CBX3: variants seen among roughly 807,000 people sequenced by gnomAD.
The protein encoded by CBX3 is chromobox protein homolog 3.
In CBX3, 5 loss-of-function variants were observed where a neutral mutation model predicts 22.6. That is an observed-to-expected ratio of 0.22 (90% CI 0.12 to 0.47). The LOEUF (loss-of-function observed/expected upper bound fraction) is 0.47. Ranked by LOEUF, CBX3 falls within the 20% of genes least tolerant of loss-of-function variation. The probability of loss-of-function intolerance (pLI) is 0.99; values close to 1 mark genes in which losing one functional copy is unlikely to be tolerated. For synonymous variants in CBX3, 50 were observed against 66.6 expected (o/e 0.75, Z 1.21); for missense variants, 83 against 208.1 (o/e 0.40, Z 3.70).
At chr7:26,208,917 CTTTTT>C (rs59657982) in intron 4 of CBX3, among the ~76,000 whole-genome samples, 4 of 27,940 alleles carry the variant, frequency 1.4e-4, no homozygotes, top group Admixed American at 6.7e-4. Context: ...CACGCCTGGC[CTTTTT>C]TTTTTTTTTT....
At chr7:26,202,160 C>T (rs1784506255) in intron 1 of CBX3, 1 of 152,074 alleles carries the variant, frequency 6.6e-6, no homozygotes, top group South Asian at 2.1e-4. Flanking sequence ...CCACGCGGGG[C>T]TGGGTCGAGA....
At chr7:26,202,786 A>G (rs746326985) in intron 1 of CBX3, 185 bp from the exon 2 acceptor site, 27 of 570,694 alleles carry the variant, frequency 4.7e-5, no homozygotes, top group Non-Finnish European at 8.3e-5. Context: ...CTAGACTCAC[A>G]TGGTTAGGAC....
At position 26,202,619 on chromosome 7, in the gene CBX3, T is replaced by C. The variant is rs192837231; in HGVS notation, c.-28-352T>C. 2.1e-3 allele frequency: 513 copies of C among 243,676 alleles called. 3 individuals are homozygous for C. Among genetic ancestry groups the C allele is most frequent in the African/African-American group, 0.011 (492 of 43,182 alleles). The allele number at this position is 243,676 out of a possible 1,614,324, so 15.1% of individuals were successfully genotyped here. Reference sequence around the variant, plus strand: ...ACAGTGCTTTACCGTTGTGAGTTGTTTGGGTAATCGTGCCTGGTTTTAAAC... The same window carrying C: ...ACAGTGCTTTACCGTTGTGAGTTGTCTGGGTAATCGTGCCTGGTTTTAAAC... On this transcript the variant is annotated intron_variant, in intron 1 of 5. Transcript: ENST00000396386.
At chr7:26,210,769 A>G (rs1328827635) in intron 4 of CBX3, among the ~76,000 whole-genome samples, 1 of 152,210 alleles carries the variant, frequency 6.6e-6, no homozygotes, top group Non-Finnish European at 1.5e-5. Flanking sequence ...TTTTACAGAT[A>G]TTCAACATGT....
chr7:26,202,593 C>A (rs997111841), intron 1 of CBX3: 5 of 190,390 alleles, frequency 2.6e-5, no homozygotes, highest in African/African-American at 9.5e-5. Context: ...AGAGAAGATT[C>A]ACAGTGCTTT....
chr7:26,205,615 T>C (rs1784658096), intron 2 of CBX3, among the ~76,000 whole-genome samples: 2 of 152,118 alleles, frequency 1.3e-5, no homozygotes, highest in African/African-American at 2.4e-5. Context: ...ACATTAATAT[T>C]TGAATTGAGA....
chr7:26,208,887 G>T (rs1485890173), intron 4 of CBX3, among the ~76,000 whole-genome samples: 3 of 138,098 alleles, frequency 2.2e-5, no homozygotes, highest in African/African-American at 8.3e-5. Flanking sequence ...CAAAGTGTTG[G>T]GATTGTAGGC....
intron 2 of CBX3, among the ~76,000 whole-genome samples, chr7:26,203,323 G>A (rs754060120): frequency 6.6e-6 from 1 of 152,142 alleles, no homozygotes; most frequent in Non-Finnish European, 1.5e-5. Flanking sequence ...GTTGAAAAAT[G>A]TTACATAAAA....
chr7:26,203,173 C>T, intron 2 of CBX3, 151 bp downstream of exon 2: 4 of 653,704 alleles, frequency 6.1e-6, no homozygotes, highest in Non-Finnish European at 8.0e-6. Context: ...AAGAGAAAAA[C>T]GAATTCATTA....
rs530013959 is a variant in CBX3, at chr7:26,207,248, C to T, written c.167+738C>T. Among the ~76,000 whole-genome samples the T allele has an allele frequency of 3.9e-5, 6 of 152,300 alleles. No individual in the cohort carries two copies. In the South Asian group the frequency reaches 1.2e-3, roughly 32 times the overall value. ...ACCTATCTGTTATCTCCTACTTCCC[C>T]TGCTCTTCACATTTAATTCATAGCA... On this transcript the variant is annotated intron_variant, in intron 3 of 5. Coordinates refer to ENST00000396386, the MANE Select transcript of CBX3 (RefSeq NM_016587.4).
At chr7:26,211,629 A>C in intron 4 of CBX3, 33 bp from the exon 5 acceptor site, 2 of 1,347,826 alleles carry the variant, frequency 1.5e-6, no homozygotes, top group Non-Finnish European at 2.1e-6. Flanking sequence ...TAATACTCTG[A>C]GTTTGCTGTA....
At chr7:26,208,226 G>A (rs1405997451) in intron 3 of CBX3, 167 bp from the exon 4 acceptor site, 8 of 475,066 alleles carry the variant, frequency 1.7e-5, no homozygotes, top group African/African-American at 5.7e-5. Context: ...TGTCTCTGGC[G>A]GAGGCAGGCT....
chr7:26,203,736 G>A (rs1784606647), intron 2 of CBX3, among the ~76,000 whole-genome samples: 1 of 151,936 alleles, frequency 6.6e-6, no homozygotes. Context: ...TCTTAAACAC[G>A]TAAAGGTGAA....
At position 26,212,649 on chromosome 7, in the gene CBX3, T is replaced by C. The variant is rs1054439798; in HGVS notation, c.*441T>C. The C allele has an allele frequency of 2.0e-5, 3 of 152,254 alleles. No homozygotes were observed. Among genetic ancestry groups the C allele is most frequent in the Non-Finnish European group, 2.9e-5 (2 of 68,066 alleles). The allele number at this position is 152,254 out of a possible 1,614,324, so 9.4% of individuals were successfully genotyped here. A position where few individuals can be genotyped will look rare whatever the true frequency, so the allele number is the denominator to read the frequency against. On this transcript the variant is annotated 3_prime_UTR_variant, in exon 6 of 6. Coordinates refer to ENST00000396386, the MANE Select transcript of CBX3 (RefSeq NM_016587.4). ...TGCATATGTAAATTTTTTTTTGTTT[T>C]TAAGCATTCACCCAAACAAAAAAAT...
Position 26,212,928 on chromosome 7 carries a change from T to C in CBX3, c.*720T>C, listed in dbSNP as rs1368324707. On this transcript the variant is annotated 3_prime_UTR_variant, in exon 6 of 6. Coordinates refer to ENST00000396386, the MANE Select transcript of CBX3 (RefSeq NM_016587.4). ...CATCCAGATGAGGAAACTAGACAAA[T>C]GCTAGTGTGTTTTAACTAGCTAAAC... 6.6e-6 allele frequency: 1 copy of C among 152,280 alleles called. No individual in the cohort carries two copies. Among genetic ancestry groups the C allele is most frequent in the Non-Finnish European group, 1.5e-5 (1 of 68,046 alleles). 9.4% of individuals were successfully genotyped at this position (152,280 alleles called of 1,614,324 possible). A position where few individuals can be genotyped will look rare whatever the true frequency, so the allele number is the denominator to read the frequency against.
chr7:26,207,429 T>C (rs1429492591), intron 3 of CBX3, among the ~76,000 whole-genome samples: 1 of 152,226 alleles, frequency 6.6e-6, no homozygotes, highest in African/African-American at 2.4e-5. Context: ...AGGAAATGAA[T>C]GGGCTCCTCC....
chr7:26,203,162 T>G (rs544112485), intron 2 of CBX3, 140 bp downstream of exon 2: 13 of 682,450 alleles, frequency 1.9e-5, no homozygotes, highest in South Asian at 1.6e-4. Context: ...AGGGGAAAAT[T>G]AAGAGAAAAA....
At chr7:26,211,822 G>A (rs1357646265) in intron 5 of CBX3, 66 bp downstream of exon 5, 3 of 1,220,724 alleles carry the variant, frequency 2.5e-6, no homozygotes, top group African/African-American at 1.6e-5. Context: ...TTGTGAAATG[G>A]TTTTTCATCA....
rs755610639 is a variant in CBX3, at chr7:26,212,249, TAA to T, written c.*45_*46del. 4 of 1,103,848 alleles carry T rather than the reference TAA, an allele frequency of 3.6e-6. No individual in the cohort carries two copies. Among genetic ancestry groups the T allele is most frequent in the Non-Finnish European group, 2.3e-6 (2 of 870,900 alleles). 68.4% of individuals were successfully genotyped at this position (1,103,848 alleles called of 1,614,324 possible). ...TTTTATATATATTTATATATATATA[TAA>T]AAATTGGGTCTTAGATTTTGATTTA... On this transcript the variant is annotated 3_prime_UTR_variant, in exon 6 of 6. Transcript: ENST00000396386.
Sources: allele counts gnomAD v4.1 joint callset (sites outside exome capture counted in the v4.1 genomes callset), GRCh38; gene constraint gnomAD v4.1.1; transcripts MANE v1.5; gene names NCBI Gene and HGNC (gene_info 2026-07-23, HGNC 2026-07-21).